Variants in DMD observed in about 807,000 individuals in gnomAD.
DMD encodes the protein dystrophin.
DMD carries 63 observed loss-of-function variants against 330.1 expected under a neutral mutation model. That is an observed-to-expected ratio of 0.19 (90% CI 0.16 to 0.24). DMD has a LOEUF of 0.24. Ranked by LOEUF, DMD falls within the 10% of genes least tolerant of loss-of-function variation. DMD has a pLI of 1.00. For missense variants in DMD, 3,344 were observed against 2,684.1 expected, an observed-to-expected ratio of 1.25 and a Z score of -5.43; for synonymous variants, 1,223 against 959.8, an observed-to-expected ratio of 1.27 and a Z score of -5.07.
intron 44 of DMD, among the ~76,000 whole-genome samples, chrX:32,204,671 G>C (rs1299389042): frequency 1.8e-5 from 2 of 110,387 alleles, no homozygotes; most frequent in Non-Finnish European, 3.8e-5. Context: ...AAGAAAAGGG[G>C]TTTTCTTTTG....
chrX:32,485,098 T>A lies in DMD; in HGVS notation c.2624A>T (p.Asp875Val). Reference sequence around the variant, plus strand: ...AAGATCTGATAGCCGGTTGACTTCATCCTGTGCCATAGAGTATGGAAAGTA... The same window carrying A: ...AAGATCTGATAGCCGGTTGACTTCAACCTGTGCCATAGAGTATGGAAAGTA... ...AIKSQLKICKDEVNRLSDLQP... is the reference protein window; with the variant it reads ...AIKSQLKICKVEVNRLSDLQP... Residue 875 changes from aspartate to valine, a missense_variant and splice_region_variant, in exon 21 of 79, where the codon GAT becomes GTT. Coordinates refer to ENST00000357033, the MANE Select transcript of DMD (RefSeq NM_004006.3). 1.7e-6 allele frequency: 2 copies of A among 1,207,167 alleles called. No homozygotes were observed.
intron 1 of DMD, among the ~76,000 whole-genome samples, chrX:33,063,836 T>TACAC (rs199812420): frequency 1.8e-5 from 2 of 110,957 alleles, no homozygotes; most frequent in African/African-American, 6.6e-5. Context: ...CCTGCTACAA[T>TACAC]ACACACACAC....
At chrX:31,142,485 T>G (rs1174518844) in intron 76 of DMD, among the ~76,000 whole-genome samples, 1 of 112,511 alleles carries the variant, frequency 8.9e-6, no homozygotes, top group Non-Finnish European at 1.9e-5. Flanking sequence ...CATAAATAAA[T>G]AGCTATAAAG....
intron 60 of DMD, among the ~76,000 whole-genome samples, chrX:31,443,415 A>AATT (rs2065074144): frequency 8.9e-6 from 1 of 111,883 alleles, no homozygotes; most frequent in East Asian, 2.8e-4. Flanking sequence ...TAATAATAAT[A>AATT]ATAACAACAT....
At chrX:32,343,953 T>G (rs887690497) in intron 39 of DMD, among the ~76,000 whole-genome samples, 2 of 112,019 alleles carry the variant, frequency 1.8e-5, no homozygotes, top group African/African-American at 6.5e-5. Context: ...ATAGCCACAT[T>G]TATCTTACTA....
intron 44 of DMD, among the ~76,000 whole-genome samples, chrX:32,030,166 T>G (rs1345977283): frequency 8.9e-6 from 1 of 112,271 alleles, no homozygotes; most frequent in Non-Finnish European, 1.9e-5. Flanking sequence ...ATCAAACACC[T>G]GACATTAGCT....
intron 2 of DMD, among the ~76,000 whole-genome samples, chrX:32,894,143 G>A (rs1023551063): frequency 1.8e-5 from 2 of 112,030 alleles, no homozygotes; most frequent in Non-Finnish European, 3.8e-5. Flanking sequence ...TAAGTTGGAG[G>A]TAATGATTAT....
chrX:33,142,384 G>C (rs183476129), intron 1 of DMD, among the ~76,000 whole-genome samples: 1 of 113,103 alleles, frequency 8.8e-6, no homozygotes, highest in East Asian at 2.8e-4. Flanking sequence ...TGTGCCCGGC[G>C]AGGCTTTTAA....
intron 27 of DMD, among the ~76,000 whole-genome samples, chrX:32,444,725 C>T (rs914057246): frequency 8.1e-5 from 9 of 110,769 alleles, no homozygotes; most frequent in East Asian, 2.8e-4. Flanking sequence ...AGAGAGCTGA[C>T]GGAGACTTGA....
intron 1 of DMD, among the ~76,000 whole-genome samples, chrX:33,072,146 G>A (rs1407719340): frequency 3.6e-5 from 4 of 112,192 alleles, no homozygotes; most frequent in African/African-American, 6.5e-5. Flanking sequence ...GGCCCAGCGC[G>A]GTGGCTCACG....
chrX:32,556,158 TAAAC>T (rs1384578021), intron 16 of DMD, among the ~76,000 whole-genome samples: 1 of 111,746 alleles, frequency 8.9e-6, no homozygotes, highest in African/African-American at 3.2e-5. Flanking sequence ...GCAAAGCACA[TAAAC>T]AAACACTTCT....
chrX:33,335,305 C>G (rs1374677305), intron 1 of DMD, among the ~76,000 whole-genome samples: 1 of 108,358 alleles, frequency 9.2e-6, no homozygotes, highest in African/African-American at 3.3e-5. Context: ...TCATATATAT[C>G]CTTCTAAAAT....
chrX:32,088,677 A>AGTGTGTGTGTGTGT (rs34596391), intron 44 of DMD, among the ~76,000 whole-genome samples: 92 of 97,412 alleles, frequency 9.4e-4, no homozygotes, highest in African/African-American at 3.2e-3. Context: ...ATAGCTCTGA[A>AGTGTGTGTGTGTGT]GTGTGTGTGT....
At chrX:31,554,932 G>A (rs139829788) in intron 55 of DMD, among the ~76,000 whole-genome samples, 1,194 of 112,041 alleles carry the variant, frequency 0.011, 6 homozygotes, top group Non-Finnish European at 0.017. Context: ...TTTATGAGGT[G>A]CTGTCTGAAA....
intron 1 of DMD, among the ~76,000 whole-genome samples, chrX:33,239,749 A>C (rs1005021211): frequency 8.9e-6 from 1 of 111,948 alleles, no homozygotes; most frequent in Non-Finnish European, 1.9e-5. Flanking sequence ...GTTATCATTT[A>C]ACATCCACTC....
intron 2 of DMD, among the ~76,000 whole-genome samples, chrX:32,923,477 C>T (rs754238727): frequency 2.2e-3 from 244 of 110,075 alleles, no homozygotes; most frequent in Non-Finnish European, 4.1e-3. Flanking sequence ...GGGAGAATCG[C>T]TTAACCCCGG....
chrX:32,852,678 C>A (rs964898579), intron 2 of DMD, among the ~76,000 whole-genome samples: 4 of 108,870 alleles, frequency 3.7e-5, no homozygotes, highest in Non-Finnish European at 7.6e-5. Flanking sequence ...AACGGAGAGA[C>A]CCAGGCCTCG....
chrX:31,796,577 T>C (rs1415828791), intron 50 of DMD, among the ~76,000 whole-genome samples: 3 of 112,311 alleles, frequency 2.7e-5, no homozygotes, highest in African/African-American at 9.7e-5. Context: ...AAGCCTGAAC[T>C]AGAGATAATC....
intron 2 of DMD, among the ~76,000 whole-genome samples, chrX:32,912,711 C>T (rs1434676579): frequency 9.0e-6 from 1 of 111,331 alleles, no homozygotes; most frequent in African/African-American, 3.3e-5. Context: ...CAGAGCAAGA[C>T]TATTTCTCTT....
Sources: gnomAD v4.1 joint callset for allele counts (sites outside exome capture counted in the v4.1 genomes callset) on GRCh38, gnomAD v4.1.1 for gene constraint, MANE v1.5 for transcripts, NCBI Gene and HGNC (gene_info 2026-07-23, HGNC 2026-07-21) for gene names.